COP1: variants seen among roughly 807,000 people sequenced by gnomAD.
COP1 encodes the protein COP1 E3 ubiquitin ligase.
A neutral mutation model predicts 101.3 loss-of-function variants in COP1; 24 were observed. The ratio of observed to expected loss-of-function variants is 0.24; its 90% CI spans 0.17 to 0.33. COP1 has a LOEUF of 0.33. COP1 is among the 10% of genes least tolerant of loss of function. COP1 has a pLI of 1.00. For missense variants in COP1, 663 were observed against 906.2 expected (o/e 0.73, Z 3.45); for synonymous variants, 347 against 341.9 (o/e 1.01, Z -0.17).
chr1:176,135,829 T>A (rs1399906059), intron 7 of COP1, among the ~76,000 whole-genome samples: 2 of 152,056 alleles, frequency 1.3e-5, no homozygotes. Flanking sequence ...GTCAGGTAAG[T>A]GACATAAATG....
At chr1:176,004,164 G>T (rs1359895763) in intron 15 of COP1, among the ~76,000 whole-genome samples, 3 of 151,450 alleles carry the variant, frequency 2.0e-5, no homozygotes, top group African/African-American at 7.3e-5. Context: ...TCTGTTGTTG[G>T]TGTGTAAGAA....
chr1:176,118,741 C>T (rs1419094712), intron 8 of COP1, among the ~76,000 whole-genome samples: 1 of 152,070 alleles, frequency 6.6e-6, no homozygotes, highest in Admixed American at 6.6e-5. Context: ...AAGAGAGAGG[C>T]CCTGTCTCAA....
intron 3 of COP1, among the ~76,000 whole-genome samples, chr1:176,172,360 A>G (rs948807660): frequency 6.6e-6 from 1 of 152,226 alleles, no homozygotes; most frequent in East Asian, 1.9e-4. Context: ...ATTCTTTACA[A>G]TCACTTAAAG....
At chr1:176,070,934 T>C (rs1029697425) in intron 11 of COP1, among the ~76,000 whole-genome samples, 9 of 152,206 alleles carry the variant, frequency 5.9e-5, no homozygotes, top group African/African-American at 9.6e-5. Flanking sequence ...ATTATGGGCA[T>C]GAGCTCCCAT....
intron 5 of COP1, among the ~76,000 whole-genome samples, chr1:176,160,626 A>G (rs929460430): frequency 5.9e-5 from 9 of 152,282 alleles, no homozygotes; most frequent in South Asian, 4.1e-4. Flanking sequence ...ATGAACAGAC[A>G]CTTCTCAAAA....
At chr1:176,058,327 G>A (rs1674163244) in intron 11 of COP1, among the ~76,000 whole-genome samples, 1 of 152,164 alleles carries the variant, frequency 6.6e-6, no homozygotes, top group South Asian at 2.1e-4. Flanking sequence ...GAATAGAAAA[G>A]GGGGAAAGGT....
At chr1:176,104,366 AT>A (rs1683941964) in intron 9 of COP1, among the ~76,000 whole-genome samples, 1 of 152,140 alleles carries the variant, frequency 6.6e-6, no homozygotes, top group African/African-American at 2.4e-5. Context: ...TGGTAAAAAA[AT>A]AAAATAGGAA....
chr1:176,140,411 A>C lies in COP1; in HGVS notation c.832-3864T>G, dbSNP rs545683087. ...GACAAGGTATCAGGCAAGAAATATT[A>C]AAAAGAAAAAAGTTTGGAAGACTGA... On this transcript the variant is annotated intron_variant, in intron 6 of 19. Coordinates refer to ENST00000367669, the MANE Select transcript of COP1 (RefSeq NM_022457.7). 5.3e-5 allele frequency among the ~76,000 whole-genome samples: 8 copies of C among 152,332 alleles called. No individual in the cohort carries two copies. The South Asian group carries it at 8.3e-4, about 16-fold the overall frequency.
chr1:176,031,274 T>C (rs1352507319), intron 14 of COP1, among the ~76,000 whole-genome samples: 1 of 152,128 alleles, frequency 6.6e-6, no homozygotes, highest in Non-Finnish European at 1.5e-5. Context: ...TATCCTAAGA[T>C]GGCATCACAG....
intron 18 of COP1, among the ~76,000 whole-genome samples, chr1:175,972,496 G>T (rs1419484442): frequency 7.0e-6 from 1 of 143,236 alleles, no homozygotes; most frequent in Non-Finnish European, 1.5e-5. Flanking sequence ...GACAGAGTCT[G>T]GCTGTGTTGC....
At chr1:176,031,375 C>T (rs1668627966) in intron 14 of COP1, among the ~76,000 whole-genome samples, 1 of 152,214 alleles carries the variant, frequency 6.6e-6, no homozygotes. Flanking sequence ...TGAGGCGATC[C>T]TCAAAATAAG....
intron 18 of COP1, among the ~76,000 whole-genome samples, chr1:175,983,224 G>A (rs1443584170): frequency 6.6e-6 from 1 of 152,200 alleles, no homozygotes; most frequent in Admixed American, 6.5e-5. Context: ...TGGTTTGGGT[G>A]TGTCCCCATC....
intron 14 of COP1, among the ~76,000 whole-genome samples, chr1:176,038,616 G>A (rs1286566436): frequency 6.6e-6 from 1 of 152,052 alleles, no homozygotes. Context: ...TCAAGAGTTC[G>A]AGACCAGCCT....
chr1:176,095,539 G>A (rs931612020), intron 9 of COP1, among the ~76,000 whole-genome samples: 1 of 152,142 alleles, frequency 6.6e-6, no homozygotes, highest in Non-Finnish European at 1.5e-5. Flanking sequence ...AAAATAAGCT[G>A]GGCATGGTGG....
chr1:176,162,827 G>A, intron 5 of COP1, 42 bp downstream of exon 5: 1 of 1,537,968 alleles, frequency 6.5e-7, no homozygotes, highest in Non-Finnish European at 8.8e-7. Flanking sequence ...TTGCAATAAA[G>A]TTCATCATTT....
At chr1:176,134,222 T>C (rs1449629271) in intron 8 of COP1, among the ~76,000 whole-genome samples, 1 of 152,030 alleles carries the variant, frequency 6.6e-6, no homozygotes, top group African/African-American at 2.4e-5. Context: ...CTAAAACTAT[T>C]TGTCTGATAA....
intron 15 of COP1, among the ~76,000 whole-genome samples, chr1:176,014,263 C>A (rs887299924): frequency 1.9e-4 from 29 of 152,190 alleles, no homozygotes; most frequent in African/African-American, 6.3e-4. Context: ...GGACCCCACC[C>A]AACCAATTCC....
chr1:176,132,520 T>TAC (rs376252109), intron 8 of COP1, among the ~76,000 whole-genome samples: 5 of 149,950 alleles, frequency 3.3e-5, no homozygotes, highest in South Asian at 4.2e-4. Flanking sequence ...TGTGTGTATA[T>TAC]ACACACACAC....
At chr1:176,097,879 A>AG in intron 9 of COP1, among the ~76,000 whole-genome samples, 1 of 151,796 alleles carries the variant, frequency 6.6e-6, no homozygotes, top group East Asian at 1.9e-4. Context: ...AAAAAAAAAA[A>AG]AAAAAAAAGC....
Sources: allele counts gnomAD v4.1 joint callset (sites outside exome capture counted in the v4.1 genomes callset), GRCh38; gene constraint gnomAD v4.1.1; transcripts MANE v1.5; gene names NCBI Gene and HGNC (gene_info 2026-07-23, HGNC 2026-07-21).